Variants in FRMD5 observed in about 807,000 individuals in gnomAD.
FRMD5 encodes the protein FERM domain-containing protein 5.
FRMD5 carries 20 observed loss-of-function variants against 69.0 expected under a neutral mutation model. That is an observed-to-expected ratio of 0.29 (90% CI 0.20 to 0.42). The LOEUF is 0.42. FRMD5 is among the 10% of genes least tolerant of loss of function. The probability of loss-of-function intolerance (pLI) is 1.00; values close to 1 mark genes in which losing one functional copy is unlikely to be tolerated. For missense variants in FRMD5, 595 were observed against 708.6 expected (o/e 0.84, Z 1.82); for synonymous variants, 271 against 260.1 (o/e 1.04, Z -0.40).
chr15:43,961,698 T>C (rs1323019599), intron 1 of FRMD5, among the ~76,000 whole-genome samples: 1 of 152,186 alleles, frequency 6.6e-6, no homozygotes, highest in African/African-American at 2.4e-5. Context: ...TCAAAAAGCT[T>C]ATCCACCATG....
In FRMD5 at chr15:43,956,077, C is replaced by G. The variant is rs183483098; in HGVS notation, c.103-31768G>C. ...TTCGACTAATAATTTGAATATGATT[C>G]TATCACACTTAGAGTAGATCCATTT... On this transcript the variant is annotated intron_variant, in intron 1 of 13. Transcript: ENST00000417257. Among the ~76,000 whole-genome samples the G allele has an allele frequency of 2.6e-3, 389 of 152,292 alleles. 2 individuals are homozygous for G. Among genetic ancestry groups the G allele is most frequent in the Non-Finnish European group, 4.7e-3 (321 of 68,016 alleles).
intron 1 of FRMD5, among the ~76,000 whole-genome samples, chr15:44,149,795 C>G (rs1433998591): frequency 6.6e-6 from 1 of 152,082 alleles, no homozygotes; most frequent in African/African-American, 2.4e-5. Flanking sequence ...AGTTCTCATT[C>G]TCATTCTAGG....
chr15:43,873,743 C>G lies in FRMD5; in HGVS notation c.*142G>C. On this transcript the variant is annotated 3_prime_UTR_variant, in exon 14 of 14. Coordinates refer to ENST00000417257, the MANE Select transcript of FRMD5 (RefSeq NM_032892.5). ...TCCCTTTCTTCTTCTGGGAAACACC[C>G]TCCTAGGCTGCAGTGGACTTTGAGT... is the stretch of plus-strand genomic sequence containing the variant. The G allele has an allele frequency of 1.3e-6, 2 of 1,525,644 alleles. No homozygotes were observed. The highest frequency in any genetic ancestry group is 1.7e-6 in the Non-Finnish European group (2 of 1,143,522). 94.5% of individuals were successfully genotyped at this position (1,525,644 alleles called of 1,614,324 possible). A position where few individuals can be genotyped will look rare whatever the true frequency, so the allele number is the denominator to read the frequency against.
At chr15:43,995,820 G>A (rs1376167308) in intron 1 of FRMD5, among the ~76,000 whole-genome samples, 3 of 152,098 alleles carry the variant, frequency 2.0e-5, no homozygotes, top group Non-Finnish European at 4.4e-5. Flanking sequence ...AGGTCCTGGA[G>A]CCGTGAGAGC....
intron 1 of FRMD5, among the ~76,000 whole-genome samples, chr15:43,961,914 A>T (rs1210504202): frequency 6.6e-6 from 1 of 152,196 alleles, no homozygotes; most frequent in African/African-American, 2.4e-5. Context: ...TCAAAATAAT[A>T]AGAGCTATCT....
chr15:43,927,908 T>C (rs2089612603), intron 1 of FRMD5, among the ~76,000 whole-genome samples: 1 of 152,152 alleles, frequency 6.6e-6, no homozygotes, highest in Non-Finnish European at 1.5e-5. Context: ...TTAATAAGAA[T>C]CCTGCCTTTC....
chr15:44,154,640 T>A (rs569827154), intron 1 of FRMD5, among the ~76,000 whole-genome samples: 1 of 152,370 alleles, frequency 6.6e-6, no homozygotes, highest in South Asian at 2.1e-4. Flanking sequence ...ACACTTTATG[T>A]GTAAAACCTT....
rs2140439579 is a variant in FRMD5 at position 43,919,467 on chromosome 15, T to C, written c.321A>G (p.Glu107=). 1 of 1,614,016 alleles carries C rather than the reference T, an allele frequency of 6.2e-7. No individual in the cohort carries two copies. Among genetic ancestry groups the C allele is most frequent in the East Asian group, 2.2e-5 (1 of 44,872 alleles). The change falls in exon 4 of 14, where the codon GAA becomes GAG. Residue 107 remains glutamate (E), a synonymous_variant. Transcript: ENST00000417257. ...YPADPAALKE[E]ITRYLVFLQI... ...AAGCATGTTCACCTCACCTGGTTAT[T>C]TCTTCTTTCAGAGCAGCAGGGTCTG...
At chr15:44,044,079 TA>T (rs1268626227) in intron 1 of FRMD5, among the ~76,000 whole-genome samples, 20 of 148,582 alleles carry the variant, frequency 1.3e-4, no homozygotes, top group South Asian at 4.2e-4. Context: ...AAATTTACAA[TA>T]AAAAAAAACC....
At chr15:44,165,946 A>C (rs187569618) in intron 1 of FRMD5, among the ~76,000 whole-genome samples, 33 of 152,306 alleles carry the variant, frequency 2.2e-4, no homozygotes, top group Admixed American at 1.4e-3. Flanking sequence ...TTTTTTCACT[A>C]TTATAAATAA....
In FRMD5 at chr15:44,060,397, G is replaced by C. The variant is rs1026243745; in HGVS notation, c.102+134556C>G. On this transcript the variant is annotated intron_variant, in intron 1 of 13. Coordinates refer to ENST00000417257, the MANE Select transcript of FRMD5 (RefSeq NM_032892.5). ...GGCTGTGACAGTGCTGAGCTCTACA[G>C]TGACAAATTAAATCATTCAGCTTCA... Among the ~76,000 whole-genome samples the C allele has an allele frequency of 2.6e-5, 4 of 152,304 alleles. 1 individual carries two copies. In the East Asian group the frequency reaches 7.7e-4, roughly 29 times the overall value.
At chr15:43,976,934 G>C (rs1017860858) in intron 1 of FRMD5, among the ~76,000 whole-genome samples, 4 of 151,974 alleles carry the variant, frequency 2.6e-5, no homozygotes, top group African/African-American at 9.7e-5. Context: ...GGGTTCAAGT[G>C]ATTCTCCTGC....
chr15:44,034,365 A>C (rs1205940487), intron 1 of FRMD5, among the ~76,000 whole-genome samples: 1 of 152,150 alleles, frequency 6.6e-6, no homozygotes, highest in Non-Finnish European at 1.5e-5. Flanking sequence ...TTGACTACCT[A>C]CTTATATGGT....
intron 1 of FRMD5, among the ~76,000 whole-genome samples, chr15:44,105,676 A>G (rs1266766123): frequency 6.6e-6 from 1 of 152,022 alleles, no homozygotes; most frequent in Non-Finnish European, 1.5e-5. Flanking sequence ...GTAGCTTGTC[A>G]TTTTTCCTTT....
intron 1 of FRMD5, among the ~76,000 whole-genome samples, chr15:44,142,986 A>C (rs2077295937): frequency 6.6e-6 from 1 of 152,072 alleles, no homozygotes; most frequent in Non-Finnish European, 1.5e-5. Flanking sequence ...GCTACTCAGG[A>C]GGCTGAGGCA....
In FRMD5 at chr15:43,903,545, G is replaced by A. The variant is rs1595500471; in HGVS notation, c.552-1283C>T. ...ATTTTTACATTATGAAGACGAGGCAGGACCTATGGAAAAAGTACCTGTGGA... is the reference window on the plus strand; with the variant it reads ...ATTTTTACATTATGAAGACGAGGCAAGACCTATGGAAAAAGTACCTGTGGA... On this transcript the variant is annotated intron_variant, in intron 6 of 13. Transcript: ENST00000417257. 2.0e-5 allele frequency among the ~76,000 whole-genome samples: 3 copies of A among 152,214 alleles called. No homozygotes were observed. In the East Asian group the frequency reaches 5.8e-4, roughly 29 times the overall value.
intron 1 of FRMD5, among the ~76,000 whole-genome samples, chr15:44,005,266 A>C (rs1234862889): frequency 6.6e-6 from 1 of 152,134 alleles, no homozygotes. Context: ...AGATCATCTG[A>C]AGTCAGGAGT....
chr15:44,069,822 T>A (rs531890047), intron 1 of FRMD5, among the ~76,000 whole-genome samples: 1 of 152,184 alleles, frequency 6.6e-6, no homozygotes, highest in East Asian at 1.9e-4. Flanking sequence ...AAAAGATACA[T>A]AGGCTCTCCT....
At chr15:44,177,507 A>C (rs754162570) in intron 1 of FRMD5, among the ~76,000 whole-genome samples, 6 of 152,210 alleles carry the variant, frequency 3.9e-5, no homozygotes, top group Non-Finnish European at 7.3e-5. Context: ...AGAATAGGCA[A>C]ATCTGGAGAG....
Sources: allele counts gnomAD v4.1 joint callset (sites outside exome capture counted in the v4.1 genomes callset), GRCh38; gene constraint gnomAD v4.1.1; transcripts MANE v1.5; gene names NCBI Gene and HGNC (gene_info 2026-07-23, HGNC 2026-07-21).